SCAP: variants seen among roughly 807,000 people sequenced by gnomAD.
The protein encoded by SCAP is SREBF chaperone, also known as sterol regulatory element-binding protein cleavage-activating protein.
SCAP carries 65 observed loss-of-function variants against 123.6 expected under a neutral mutation model. That is an observed-to-expected ratio of 0.53 (90% CI 0.43 to 0.65). SCAP has a LOEUF of 0.65. Among genes scored for constraint, SCAP ranks in the 30% least tolerant of loss-of-function variants. SCAP has a pLI of 0.00. For synonymous variants in SCAP, 740 were observed against 726.3 expected, an observed-to-expected ratio of 1.02 and a Z score of -0.30; for missense variants, 1,398 against 1,712.5, an observed-to-expected ratio of 0.82 and a Z score of 3.24.
At chr3:47,470,601 G>A (rs1005331092) in intron 1 of SCAP, among the ~76,000 whole-genome samples, 3 of 152,322 alleles carry the variant, frequency 2.0e-5, no homozygotes, top group Middle Eastern at 3.4e-3. Context: ...AGTGGCTCAC[G>A]CCTATAATCC....
intron 2 of SCAP, among the ~76,000 whole-genome samples, 172 bp from the exon 3 acceptor site, chr3:47,435,309 A>G (rs1706525784): frequency 6.6e-6 from 1 of 152,236 alleles, no homozygotes; most frequent in Non-Finnish European, 1.5e-5. Context: ...CATCTAGATT[A>G]GAATTTTTCA....
intron 1 of SCAP, among the ~76,000 whole-genome samples, chr3:47,463,151 C>A (rs1438792508): frequency 6.6e-6 from 1 of 152,178 alleles, no homozygotes; most frequent in African/African-American, 2.4e-5. Flanking sequence ...GTTAATTATA[C>A]CACTAGCTAC....
intron 6 of SCAP, 101 bp from the exon 7 acceptor site, chr3:47,426,270 C>G: frequency 8.2e-7 from 1 of 1,214,118 alleles, no homozygotes; most frequent in Non-Finnish European, 1.1e-6. Flanking sequence ...TCCCTCCTGC[C>G]CCTGTGTTGA....
rs147215799 is a variant in SCAP at position 47,454,194 on chromosome 3, T to C, written c.-98-11103A>G. The stretch of plus-strand genomic sequence containing the variant: ...CATCCTGGCTAACACAGTGAAACCC[T>C]GTCTCTACTAAAAATACAAAAAATT... On this transcript the variant is annotated intron_variant, in intron 1 of 22. Coordinates refer to ENST00000265565, the MANE Select transcript of SCAP (RefSeq NM_012235.4). Among the ~76,000 whole-genome samples, 553 of 151,930 alleles carry C rather than the reference T, an allele frequency of 3.6e-3. 21 individuals are homozygous for C. The East Asian group carries it at 0.062, about 17-fold the overall frequency.
In SCAP at chr3:47,418,442, T is replaced by A. The variant is rs1436417238; in HGVS notation, c.2210A>T (p.Asn737Ile). 6.3e-7 allele frequency: 1 copy of A among 1,593,566 alleles called. No homozygotes were observed. Among genetic ancestry groups the A allele is most frequent in the Non-Finnish European group, 8.5e-7 (1 of 1,172,942 alleles). Residue 737 changes from asparagine (N) to isoleucine (I), a missense_variant, in exon 15 of 23, where the codon AAC becomes ATC. Physicochemically the swap from Asn to Ile is moderately radical, Grantham distance 149 (BLOSUM62 -3). This residue lies in a region of SCAP where 828 missense variants were observed against 882.5 expected (regional missense o/e 0.94). Coordinates refer to ENST00000265565, the MANE Select transcript of SCAP (RefSeq NM_012235.4). ...GGGCCCACCACCCAGCTGCCCGTAGTTGCGCGGGCATAGCACGCGGTAGAG... is the reference window on the plus strand; with the variant it reads ...GGGCCCACCACCCAGCTGCCCGTAGATGCGCGGGCATAGCACGCGGTAGAG... ...LCLYRVLCPR[N>I]YGQLGGGPGR...
intron 4 of SCAP, 113 bp downstream of exon 4, chr3:47,428,400 G>T: frequency 9.7e-6 from 11 of 1,134,556 alleles, no homozygotes; most frequent in Non-Finnish European, 1.3e-5. Context: ...CATCCTTCTT[G>T]CTTGTTCTAT....
chr3:47,428,768 C>T, intron 3 of SCAP, 98 bp from the exon 4 acceptor site: 1 of 1,346,616 alleles, frequency 7.4e-7, no homozygotes, highest in Non-Finnish European at 1.0e-6. Context: ...GAAACCGTGC[C>T]CCACAGAGTT....
Position 47,420,811 on chromosome 3 carries a change from C to G in SCAP, c.1345-39G>C, listed in dbSNP as rs755973042. 26 of 1,600,516 alleles carry G rather than the reference C, an allele frequency of 1.6e-5. No individual in the cohort carries two copies. The highest frequency in any genetic ancestry group is 2.2e-5 in the East Asian group (1 of 44,748). On this transcript the variant is annotated intron_variant, in intron 11 of 22. Transcript: ENST00000265565. The surrounding 1 kb of genome is among the most constrained non-coding windows in gnomAD (Gnocchi z 5.0). ...AGTGGTCAGGGCCTGAGTCCACCATCCAGAGGCTGCTCGCACAGGACCGCT... is the reference window on the plus strand; with the variant it reads ...AGTGGTCAGGGCCTGAGTCCACCATGCAGAGGCTGCTCGCACAGGACCGCT...
chr3:47,432,086 G>A (rs780642919), intron 3 of SCAP, among the ~76,000 whole-genome samples: 3 of 151,918 alleles, frequency 2.0e-5, no homozygotes, highest in Non-Finnish European at 2.9e-5. Context: ...AGGCCGAGGC[G>A]GATGGATCAA....
At chr3:47,469,902 T>A (rs963641651) in intron 1 of SCAP, 4 of 508,332 alleles carry the variant, frequency 7.9e-6, no homozygotes, top group Non-Finnish European at 1.6e-5. Flanking sequence ...ACAGATTCAC[T>A]GAATCCTTGA....
At chr3:47,440,786 T>C (rs1706766902) in intron 2 of SCAP, among the ~76,000 whole-genome samples, 1 of 152,078 alleles carries the variant, frequency 6.6e-6, no homozygotes, top group African/African-American at 2.4e-5. Context: ...CTTGAGCCCA[T>C]GAAGTCGAGA....
intron 8 of SCAP, 40 bp downstream of exon 8, chr3:47,425,439 GGCCTGA>G (rs1213556370): frequency 6.3e-7 from 1 of 1,590,316 alleles, no homozygotes; most frequent in Non-Finnish European, 8.6e-7. Context: ...AAGGCTCTCT[GGCCTGA>G]GCCCACCCTG....
chr3:47,421,267 G>A (rs1047468093), intron 10 of SCAP: 1 of 536,714 alleles, frequency 1.9e-6, no homozygotes, highest in Non-Finnish European at 3.4e-6. Context: ...AAAGGGAAGG[G>A]GAAGTACCTT....
chr3:47,414,138 TC>T (rs768331758), intron 22 of SCAP, 39 bp from the exon 23 acceptor site: 1 of 1,613,374 alleles, frequency 6.2e-7, no homozygotes, highest in Non-Finnish European at 8.5e-7. Context: ...CCTGAGTCCT[TC>T]CCTAAAATCC....
intron 1 of SCAP, among the ~76,000 whole-genome samples, chr3:47,456,349 G>A (rs1707424113): frequency 6.6e-6 from 1 of 152,084 alleles, no homozygotes; most frequent in African/African-American, 2.4e-5. Flanking sequence ...GCTGTAGTGA[G>A]CCATGATCAC....
At chr3:47,454,717 C>G (rs1179792154) in intron 1 of SCAP, among the ~76,000 whole-genome samples, 1 of 151,960 alleles carries the variant, frequency 6.6e-6, no homozygotes, top group African/African-American at 2.4e-5. Flanking sequence ...CACTGCACTC[C>G]AGCCCAGATG....
intron 1 of SCAP, among the ~76,000 whole-genome samples, chr3:47,447,525 T>C (rs1707088212): frequency 6.6e-6 from 1 of 150,722 alleles, no homozygotes; most frequent in African/African-American, 2.4e-5. Flanking sequence ...TCTTCTCTAC[T>C]AAAAATACCA....
At chr3:47,445,611 G>A (rs910567084) in intron 1 of SCAP, among the ~76,000 whole-genome samples, 12 of 151,632 alleles carry the variant, frequency 7.9e-5, no homozygotes, top group South Asian at 2.1e-4. Context: ...TTGCTTTGTC[G>A]CCCAGGCTGG....
chr3:47,459,466 C>T (rs1370674870), intron 1 of SCAP, among the ~76,000 whole-genome samples: 1 of 152,104 alleles, frequency 6.6e-6, no homozygotes, highest in African/African-American at 2.4e-5. Context: ...TTCTATTTTC[C>T]GTAAGTGTCG....
Sources: allele counts gnomAD v4.1 joint callset (sites outside exome capture counted in the v4.1 genomes callset), GRCh38; gene constraint gnomAD v4.1.1; regional missense constraint gnomAD v4.1.1; non-coding constraint Gnocchi (gnomAD v3.1); transcripts MANE v1.5; gene names NCBI Gene and HGNC (gene_info 2026-07-23, HGNC 2026-07-21).